Variants in LRRIQ1 observed in about 807,000 individuals in gnomAD.
LRRIQ1 encodes leucine-rich repeat- and IQ domain-containing protein 1.
In LRRIQ1, 210 loss-of-function variants were observed where a neutral mutation model predicts 211.9. That is an observed-to-expected ratio of 0.99 (90% CI 0.89 to 1.11). The LOEUF (loss-of-function observed/expected upper bound fraction) is 1.11. LRRIQ1 is among the 50% of genes most tolerant of loss of function. The pLI is 0.00. For synonymous variants in LRRIQ1, 699 were observed against 650.1 expected (o/e 1.08, Z -1.14); for missense variants, 2,136 against 1,939.5 (o/e 1.10, Z -1.90).
intron 24 of LRRIQ1, among the ~76,000 whole-genome samples, chr12:85,181,076 C>T (rs1891957471): frequency 3.8e-5 from 2 of 52,174 alleles, no homozygotes; most frequent in African/African-American, 3.9e-4. Context: ...AGTCACACTT[C>T]TGGCATTAAC....
Position 85,040,476 on chromosome 12 carries a change from A to G in LRRIQ1, c.133-14A>G, listed in dbSNP as rs1043609443. On this transcript the variant is annotated splice_polypyrimidine_tract_variant and intron_variant, in intron 2 of 26. Coordinates refer to ENST00000393217, the MANE Select transcript of LRRIQ1 (RefSeq NM_001079910.2). ...AAACACTTTCACAGTTTCTTGTATT[A>G]TTCAAATTTTTAGGATTCAGTTGAA... 6.8e-7 allele frequency: 1 copy of G among 1,461,484 alleles called. No individual in the cohort carries two copies. The highest frequency in any genetic ancestry group is 9.3e-7 in the Non-Finnish European group (1 of 1,070,398). 90.5% of individuals were successfully genotyped at this position (1,461,484 alleles called of 1,614,324 possible). A position where few individuals can be genotyped will look rare whatever the true frequency, so the allele number is the denominator to read the frequency against.
At chr12:85,137,721 C>T (rs1394235012) in intron 18 of LRRIQ1, 129 bp from the exon 19 acceptor site, 2 of 699,688 alleles carry the variant, frequency 2.9e-6, no homozygotes, top group Non-Finnish European at 4.3e-6. Context: ...ACATAAAGTT[C>T]AGAAAACAGA....
intron 19 of LRRIQ1, among the ~76,000 whole-genome samples, chr12:85,148,067 G>A (rs933278405): frequency 1.3e-5 from 2 of 151,652 alleles, no homozygotes; most frequent in Non-Finnish European, 2.9e-5. Context: ...CAATACATAA[G>A]TAATAAGTAC....
At position 85,153,762 on chromosome 12, in the gene LRRIQ1, T is replaced by C. The variant is rs760822458; in HGVS notation, c.4637+4T>C. ...AAAAAAAAATTTCAGAAGAATGGTA[T>C]GTAGTCAATTTGACACTAATAAATT... On this transcript the variant is annotated splice_donor_region_variant and intron_variant, in intron 22 of 26. Transcript: ENST00000393217. 1.3e-6 allele frequency: 2 copies of C among 1,500,142 alleles called. No individual in the cohort carries two copies. The highest frequency in any genetic ancestry group is 1.8e-6 in the Non-Finnish European group (2 of 1,106,534). The allele number at this position is 1,500,142 out of a possible 1,614,324, so 92.9% of individuals were successfully genotyped here. A position where few individuals can be genotyped will look rare whatever the true frequency, so the allele number is the denominator to read the frequency against.
At chr12:85,126,128 C>T (rs1054816890) in intron 17 of LRRIQ1, among the ~76,000 whole-genome samples, 2 of 151,982 alleles carry the variant, frequency 1.3e-5, no homozygotes, top group Non-Finnish European at 2.9e-5. Flanking sequence ...ATTCAGGAAA[C>T]CATAAAGTCA....
At chr12:85,084,984 T>G (rs1204953812) in intron 11 of LRRIQ1, among the ~76,000 whole-genome samples, 1 of 151,902 alleles carries the variant, frequency 6.6e-6, no homozygotes, top group Non-Finnish European at 1.5e-5. Flanking sequence ...AAATATATTA[T>G]GGTACTAAAA....
chr12:85,192,682 TTATATATAA>T (rs1451179994), intron 24 of LRRIQ1, among the ~76,000 whole-genome samples: 5 of 62,986 alleles, frequency 7.9e-5, no homozygotes, highest in East Asian at 8.0e-4. Context: ...TATACTATAA[TTATATATAA>T]ATATATAGTT....
chr12:85,074,500 A>G (rs1346641356), intron 11 of LRRIQ1, among the ~76,000 whole-genome samples: 3 of 151,972 alleles, frequency 2.0e-5, no homozygotes, highest in Non-Finnish European at 1.5e-5. Context: ...ATTATTAACT[A>G]TCATGCTGTT....
chr12:85,236,076 G>A (rs1276707773), intron 26 of LRRIQ1, among the ~76,000 whole-genome samples: 1 of 152,112 alleles, frequency 6.6e-6, no homozygotes, highest in East Asian at 1.9e-4. Flanking sequence ...CATTGAAAAA[G>A]TGCAGGAGTA....
At chr12:85,044,482 G>A (rs1342535521) in intron 3 of LRRIQ1, among the ~76,000 whole-genome samples, 1 of 151,826 alleles carries the variant, frequency 6.6e-6, no homozygotes, top group Non-Finnish European at 1.5e-5. Context: ...CTAGAATATG[G>A]AAAATGATAG....
At chr12:85,126,339 T>C (rs1402627996) in intron 17 of LRRIQ1, among the ~76,000 whole-genome samples, 1 of 151,944 alleles carries the variant, frequency 6.6e-6, no homozygotes, top group Admixed American at 6.5e-5. Context: ...TAAAGAAATA[T>C]AAGATACTGT....
In LRRIQ1 at chr12:85,075,063, AATAG is replaced by A. The variant is rs563503269; in HGVS notation, c.2887+1970_2887+1973del. Among the ~76,000 whole-genome samples, 637 of 152,294 alleles carry A rather than the reference AATAG, an allele frequency of 4.2e-3. 4 individuals are homozygous for A. The highest frequency in any genetic ancestry group is 0.015 in the African/African-American group (605 of 41,578). On this transcript the variant is annotated intron_variant, in intron 11 of 26. Transcript: ENST00000393217. ...AAAATACAATTAAGTGTTATACAGT[AATAG>A]ATAGCTTTCTTACCAATAGGTATTT...
chr12:85,057,616 G>T (rs1258402344), intron 8 of LRRIQ1, among the ~76,000 whole-genome samples: 3 of 152,026 alleles, frequency 2.0e-5, no homozygotes, highest in Non-Finnish European at 4.4e-5. Flanking sequence ...TGTGAAAGAA[G>T]GGCTTGCATG....
chr12:85,060,926 T>C (rs984243491), intron 8 of LRRIQ1, among the ~76,000 whole-genome samples: 5 of 151,826 alleles, frequency 3.3e-5, no homozygotes, highest in African/African-American at 1.2e-4. Flanking sequence ...AAAATACAGA[T>C]GATTAAGTAG....
chr12:85,217,524 G>A (rs186943168), intron 24 of LRRIQ1, among the ~76,000 whole-genome samples: 2,292 of 105,968 alleles, frequency 0.022, 145 homozygotes, highest in African/African-American at 0.081. Flanking sequence ...GTGTGTGTGT[G>A]TGTGTGTGTG....
chr12:85,232,864 A>T (rs1895011234), intron 26 of LRRIQ1, 108 bp downstream of exon 26: 1 of 756,858 alleles, frequency 1.3e-6, no homozygotes, highest in Non-Finnish European at 2.3e-6. Flanking sequence ...TCACAACTGT[A>T]TCTATTTGGG....
At chr12:85,105,136 G>A (rs1886675949) in intron 14 of LRRIQ1, among the ~76,000 whole-genome samples, 1 of 151,702 alleles carries the variant, frequency 6.6e-6, no homozygotes, top group African/African-American at 2.4e-5. Context: ...TACATATTCT[G>A]GACATCATTG....
At chr12:85,128,811 G>A (rs1378351575) in intron 18 of LRRIQ1, among the ~76,000 whole-genome samples, 4 of 152,042 alleles carry the variant, frequency 2.6e-5, no homozygotes, top group East Asian at 1.9e-4. Flanking sequence ...CAAGACCAGG[G>A]TTTTCTTTTT....
At chr12:85,256,216 A>G (rs1896086115) in intron 1 of LRRIQ1, among the ~76,000 whole-genome samples, 1 of 151,742 alleles carries the variant, frequency 6.6e-6, no homozygotes, top group African/African-American at 2.4e-5. Context: ...TATGTTAGCT[A>G]CATTTATTCT....
Sources: allele counts gnomAD v4.1 joint callset (sites outside exome capture counted in the v4.1 genomes callset), GRCh38; gene constraint gnomAD v4.1.1; transcripts MANE v1.5; gene names NCBI Gene and HGNC (gene_info 2026-07-23, HGNC 2026-07-21).